Variants in UBAC2 observed in about 807,000 individuals in gnomAD.
UBAC2 encodes the protein ubiquitin-associated domain-containing protein 2.
A neutral mutation model predicts 44.0 loss-of-function variants in UBAC2; 26 were observed. That is an observed-to-expected ratio of 0.59 (90% confidence interval 0.43 to 0.82). UBAC2 has a LOEUF of 0.82. UBAC2 is among the 40% of genes least tolerant of loss of function. UBAC2 has a pLI of 0.00. For synonymous variants in UBAC2, 155 were observed against 154.3 expected (o/e 1.00, Z -0.04); for missense variants, 329 against 419.4 (o/e 0.78, Z 1.88).
chr13:99,201,026 G>T, intron 1 of UBAC2, 87 bp downstream of exon 1: 1 of 1,292,266 alleles, frequency 7.7e-7, no homozygotes. Context: ...GGGGACCCTC[G>T]GGTTTGCCGG....
chr13:99,332,586 G>T (rs1391675151), intron 6 of UBAC2, among the ~76,000 whole-genome samples: 3 of 152,214 alleles, frequency 2.0e-5, no homozygotes, highest in African/African-American at 7.2e-5. Flanking sequence ...TGGGCCAGGG[G>T]TTCTCTGGTT....
chr13:99,321,164 A>G (rs2044562846), intron 6 of UBAC2, among the ~76,000 whole-genome samples: 1 of 152,240 alleles, frequency 6.6e-6, no homozygotes, highest in Non-Finnish European at 1.5e-5. Context: ...AGTATTTTTT[A>G]AACAAAGATA....
intron 6 of UBAC2, among the ~76,000 whole-genome samples, chr13:99,318,353 G>T (rs1001012450): frequency 2.0e-5 from 3 of 151,610 alleles, no homozygotes; most frequent in Non-Finnish European, 4.4e-5. Flanking sequence ...TTTTAGTAGA[G>T]ATGGGGTTTC....
At chr13:99,318,547 G>T (rs1489997958) in intron 6 of UBAC2, among the ~76,000 whole-genome samples, 2 of 150,480 alleles carry the variant, frequency 1.3e-5, no homozygotes, top group Non-Finnish European at 3.0e-5. Context: ...ACGGCCAGGC[G>T]CAGTGACTCA....
At chr13:99,226,200 T>C (rs145702855) in intron 1 of UBAC2, among the ~76,000 whole-genome samples, 41 of 152,218 alleles carry the variant, frequency 2.7e-4, no homozygotes, top group African/African-American at 9.1e-4. Context: ...GGGGAGCATA[T>C]TGCAAGATGG....
Position 99,295,008 on chromosome 13 carries a change from T to C in UBAC2, c.390-19089T>C. The stretch of plus-strand genomic sequence containing the variant: ...TTATTTTGCTTTATAAGGGAAGTCC[T>C]GCAAAGTTTGTCATACAGTTTACGT... On this transcript the variant is annotated intron_variant, in intron 4 of 8. Transcript: ENST00000403766. The surrounding 1 kb of genome is among the most constrained non-coding windows in gnomAD (Gnocchi z 4.1). 6.5e-7 allele frequency: 1 copy of C among 1,543,534 alleles called. No homozygotes were observed. Among genetic ancestry groups the C allele is most frequent in the Non-Finnish European group, 8.7e-7 (1 of 1,146,848 alleles).
At chr13:99,287,281 A>G (rs1411667098) in intron 4 of UBAC2, among the ~76,000 whole-genome samples, 1 of 152,066 alleles carries the variant, frequency 6.6e-6, no homozygotes, top group Non-Finnish European at 1.5e-5. Context: ...CCTGAGTGTC[A>G]GGTGCAGGCA....
At chr13:99,281,403 A>C (rs962742965) in intron 4 of UBAC2, among the ~76,000 whole-genome samples, 1 of 152,046 alleles carries the variant, frequency 6.6e-6, no homozygotes, top group African/African-American at 2.4e-5. Context: ...AAAAGTTCTC[A>C]CACTTTGGGC....
chr13:99,307,893 G>A (rs897523527), intron 4 of UBAC2: 1 of 152,194 alleles, frequency 6.6e-6, no homozygotes, highest in Non-Finnish European at 1.5e-5. Flanking sequence ...AGGTTTCTGT[G>A]GCGTGGGGGT....
chr13:99,233,149 G>A (rs2043195204), intron 1 of UBAC2, among the ~76,000 whole-genome samples: 1 of 148,768 alleles, frequency 6.7e-6, no homozygotes, highest in African/African-American at 2.5e-5. Flanking sequence ...GTCTTACTCT[G>A]TTGCCCCAGC....
At chr13:99,268,038 A>G (rs2043765808) in intron 4 of UBAC2, among the ~76,000 whole-genome samples, 2 of 152,154 alleles carry the variant, frequency 1.3e-5, no homozygotes, top group South Asian at 4.1e-4. Flanking sequence ...GTGTGGAAGA[A>G]AGAAGGGGCA....
At chr13:99,298,030 C>T (rs1344362342) in intron 4 of UBAC2, among the ~76,000 whole-genome samples, 1 of 151,964 alleles carries the variant, frequency 6.6e-6, no homozygotes, top group Non-Finnish European at 1.5e-5. Flanking sequence ...GAACAGTCTA[C>T]AAAGAATATA....
intron 7 of UBAC2, chr13:99,351,999 T>C: frequency 3.0e-6 from 1 of 335,738 alleles, no homozygotes. Flanking sequence ...TTGGTAACAT[T>C]CTGTGGCTGT....
At chr13:99,221,637 ACT>A (rs1384480263) in intron 1 of UBAC2, among the ~76,000 whole-genome samples, 11 of 151,772 alleles carry the variant, frequency 7.2e-5, no homozygotes, top group Non-Finnish European at 1.3e-4. Flanking sequence ...TTCTATGGCC[ACT>A]CTAGACCATT....
chr13:99,273,156 A>G (rs1401189164), intron 4 of UBAC2, among the ~76,000 whole-genome samples: 1 of 152,074 alleles, frequency 6.6e-6, no homozygotes, highest in African/African-American at 2.4e-5. Context: ...CTATTAATAT[A>G]TTTTATAACT....
intron 6 of UBAC2, among the ~76,000 whole-genome samples, chr13:99,324,590 C>T (rs545735291): frequency 6.6e-6 from 1 of 152,334 alleles, no homozygotes; most frequent in East Asian, 1.9e-4. Flanking sequence ...GTACTCTTTT[C>T]TAAGCACTTT....
At chr13:99,242,103 A>G (rs1209248580) in intron 2 of UBAC2, among the ~76,000 whole-genome samples, 1 of 151,886 alleles carries the variant, frequency 6.6e-6, no homozygotes, top group Non-Finnish European at 1.5e-5. Context: ...TTTTCTTAGT[A>G]CAGAACAAAA....
At chr13:99,201,397 C>T in intron 1 of UBAC2, 1 of 1,606,778 alleles carries the variant, frequency 6.2e-7, no homozygotes, top group Non-Finnish European at 8.5e-7. Context: ...AAGCTGACCT[C>T]TCAGTTTCAC....
At chr13:99,203,023 TTTTA>T (rs58103279) in intron 1 of UBAC2, among the ~76,000 whole-genome samples, 16,712 of 146,374 alleles carry the variant, frequency 0.11, 1,113 homozygotes, top group African/African-American at 0.18. Context: ...CTTTGTTTTA[TTTTA>T]TTTATTTATT....
Sources: gnomAD v4.1 joint callset for allele counts (sites outside exome capture counted in the v4.1 genomes callset) on GRCh38, gnomAD v4.1.1 for gene constraint, Gnocchi (gnomAD v3.1) non-coding constraint, MANE v1.5 for transcripts, NCBI Gene and HGNC (gene_info 2026-07-23, HGNC 2026-07-21) for gene names.